KCNU1: variants seen among roughly 807,000 people sequenced by gnomAD.
The protein encoded by KCNU1 is potassium calcium-activated channel subfamily U member 1.
Under a neutral mutation model 126.8 loss-of-function variants are expected in KCNU1, and 93 were observed. The observed-to-expected ratio is 0.73, with a 90% CI of 0.62 to 0.87. The LOEUF is 0.87. Among genes scored for constraint, KCNU1 ranks in the 40% least tolerant of loss-of-function variants. The pLI, the probability that KCNU1 is intolerant of heterozygous loss-of-function variation, is 0.00. For missense variants in KCNU1, 1,330 were observed against 1,367.1 expected (o/e 0.97, Z 0.43); for synonymous variants, 523 against 494.2 (o/e 1.06, Z -0.77).
intron 1 of KCNU1, among the ~76,000 whole-genome samples, chr8:36,786,651 C>T (rs1412254779): frequency 6.6e-6 from 1 of 152,158 alleles, no homozygotes; most frequent in Non-Finnish European, 1.5e-5. Flanking sequence ...CCCAGCCTTT[C>T]CTCATTGCCT....
chr8:36,897,600 C>CT (rs1563322563), intron 19 of KCNU1, among the ~76,000 whole-genome samples: 1 of 152,008 alleles, frequency 6.6e-6, no homozygotes, highest in African/African-American at 2.4e-5. Context: ...CTTCTTACCC[C>CT]TTTTCATTTT....
At chr8:36,811,872 G>C (rs1043345412) in intron 7 of KCNU1, among the ~76,000 whole-genome samples, 25 of 152,128 alleles carry the variant, frequency 1.6e-4, no homozygotes, top group African/African-American at 6.0e-4. Context: ...TTCGAGACCA[G>C]CCTGGCTAAT....
chr8:36,857,239 T>C (rs1805559094), intron 18 of KCNU1, among the ~76,000 whole-genome samples: 1 of 152,242 alleles, frequency 6.6e-6, no homozygotes, highest in South Asian at 2.1e-4. Context: ...TAATGCTTCA[T>C]TGTTTTCATC....
chr8:36,914,385 G>A lies in KCNU1; in HGVS notation c.2521+3266G>A, dbSNP rs556026283. ...GTAGAAGTCAAAGATGCTGCTAAACGTCTTTCAATACACAGGACGGCCTCA... is the reference window on the plus strand; with the variant it reads ...GTAGAAGTCAAAGATGCTGCTAAACATCTTTCAATACACAGGACGGCCTCA... On this transcript the variant is annotated intron_variant, in intron 22 of 26. Coordinates refer to ENST00000399881, the MANE Select transcript of KCNU1 (RefSeq NM_001031836.3). Among the ~76,000 whole-genome samples, 8 of 152,300 alleles carry A rather than the reference G, an allele frequency of 5.3e-5. No homozygotes were observed. The South Asian group carries it at 8.3e-4, about 16-fold the overall frequency.
intron 19 of KCNU1, among the ~76,000 whole-genome samples, chr8:36,872,176 T>C (rs957174704): frequency 6.6e-6 from 1 of 152,142 alleles, no homozygotes; most frequent in Non-Finnish European, 1.5e-5. Flanking sequence ...TAAAACTTCA[T>C]TTGCAAAAAC....
At chr8:36,898,619 C>T (rs771357198) in intron 19 of KCNU1, among the ~76,000 whole-genome samples, 2 of 151,988 alleles carry the variant, frequency 1.3e-5, no homozygotes, top group Non-Finnish European at 1.5e-5. Flanking sequence ...GCATTTGTTT[C>T]AGTAATGCGT....
At chr8:36,792,566 C>T (rs1027631398) in intron 2 of KCNU1, among the ~76,000 whole-genome samples, 5 of 152,186 alleles carry the variant, frequency 3.3e-5, no homozygotes, top group African/African-American at 9.6e-5. Context: ...ACTCCACATG[C>T]TCGTTTTCCT....
chr8:36,799,455 G>C (rs1037574987), intron 2 of KCNU1, among the ~76,000 whole-genome samples: 1 of 151,206 alleles, frequency 6.6e-6, no homozygotes, highest in Admixed American at 6.6e-5. Context: ...TTCTTTTTTT[G>C]GGAGGGGGGG....
At chr8:36,798,427 G>A (rs985821514) in intron 2 of KCNU1, among the ~76,000 whole-genome samples, 1 of 152,190 alleles carries the variant, frequency 6.6e-6, no homozygotes, top group African/African-American at 2.4e-5. Context: ...CTGCAAAGCT[G>A]TCCTTTGTGG....
At chr8:36,886,421 GA>G (rs1456064761) in intron 19 of KCNU1, among the ~76,000 whole-genome samples, 1 of 152,154 alleles carries the variant, frequency 6.6e-6, no homozygotes, top group Non-Finnish European at 1.5e-5. Context: ...ATTCGGAAAG[GA>G]GACTTTATTT....
rs528501544 is a variant in KCNU1 at position 36,824,034 on chromosome 8, A to T, written c.1106+6274A>T. Among the ~76,000 whole-genome samples, 3 of 152,168 alleles carry T rather than the reference A, an allele frequency of 2.0e-5. No individual in the cohort carries two copies. In the South Asian group the frequency reaches 6.2e-4, roughly 32 times the overall value. Reference sequence around the variant, plus strand: ...GTATTTTTAGTACAGATAGAATATCACCATGTTGGCCGGGCTGGTCTTGAA... The same window carrying T: ...GTATTTTTAGTACAGATAGAATATCTCCATGTTGGCCGGGCTGGTCTTGAA... On this transcript the variant is annotated intron_variant, in intron 10 of 26. Coordinates refer to ENST00000399881, the MANE Select transcript of KCNU1 (RefSeq NM_001031836.3).
chr8:36,840,050 A>C lies in KCNU1; in HGVS notation c.1519-413A>C, dbSNP rs1244650976. On this transcript the variant is annotated intron_variant, in intron 14 of 26. Coordinates refer to ENST00000399881, the MANE Select transcript of KCNU1 (RefSeq NM_001031836.3). Reference sequence around the variant, plus strand: ...ATGAATATTTTCTTCTTTGAGATAAATGGTTAGTAGAAAACTAAAATATTT... The same window carrying C: ...ATGAATATTTTCTTCTTTGAGATAACTGGTTAGTAGAAAACTAAAATATTT... Among the ~76,000 whole-genome samples, 5 of 152,234 alleles carry C rather than the reference A, an allele frequency of 3.3e-5. No homozygotes were observed. In the South Asian group the frequency reaches 8.3e-4, roughly 25 times the overall value.
chr8:36,852,116 T>C (rs1805371867), intron 18 of KCNU1, among the ~76,000 whole-genome samples: 1 of 152,180 alleles, frequency 6.6e-6, no homozygotes, highest in Admixed American at 6.5e-5. Flanking sequence ...TTTTTTGCTT[T>C]GTTGAGATAA....
At chr8:36,833,082 C>T (rs886938722) in intron 10 of KCNU1, among the ~76,000 whole-genome samples, 1 of 152,038 alleles carries the variant, frequency 6.6e-6, no homozygotes, top group Admixed American at 6.6e-5. Context: ...AGAAAAATAC[C>T]GTTTTGATAA....
chr8:36,877,175 G>C (rs1563310175), intron 19 of KCNU1, among the ~76,000 whole-genome samples: 1 of 152,186 alleles, frequency 6.6e-6, no homozygotes, highest in African/African-American at 2.4e-5. Context: ...ATCTGGGCTA[G>C]CAGTTGGGGT....
chr8:36,809,949 T>A (rs1196529990), intron 7 of KCNU1, among the ~76,000 whole-genome samples: 1 of 152,190 alleles, frequency 6.6e-6, no homozygotes, highest in Admixed American at 6.5e-5. Flanking sequence ...TCAGAATTTC[T>A]GAATTCTTTG....
chr8:36,804,944 A>C (rs1331800445), intron 3 of KCNU1, among the ~76,000 whole-genome samples: 2 of 152,128 alleles, frequency 1.3e-5, no homozygotes, highest in East Asian at 3.9e-4. Flanking sequence ...TGGAAATAGA[A>C]CCAATACATC....
chr8:36,879,614 C>T (rs1806401695), intron 19 of KCNU1, among the ~76,000 whole-genome samples: 1 of 152,064 alleles, frequency 6.6e-6, no homozygotes, highest in African/African-American at 2.4e-5. Context: ...GGAAGGCTTC[C>T]TGCAGGAGGC....
At chr8:36,804,819 T>C (rs1389099394) in intron 3 of KCNU1, among the ~76,000 whole-genome samples, 1 of 152,194 alleles carries the variant, frequency 6.6e-6, no homozygotes, top group Non-Finnish European at 1.5e-5. Context: ...CCATTTGATC[T>C]AGAGTATCTC....
Sources: allele counts gnomAD v4.1 joint callset (sites outside exome capture counted in the v4.1 genomes callset), GRCh38; gene constraint gnomAD v4.1.1; transcripts MANE v1.5; gene names NCBI Gene and HGNC (gene_info 2026-07-23, HGNC 2026-07-21).